SBNO1: variants seen among roughly 807,000 people sequenced by gnomAD.
SBNO1 encodes the protein strawberry notch homolog 1.
In SBNO1, 23 loss-of-function variants were observed where a neutral mutation model predicts 173.6. The ratio of observed to expected loss-of-function variants is 0.13; its 90% CI spans 0.10 to 0.19. SBNO1 has a LOEUF of 0.19. Ranked by LOEUF, SBNO1 falls within the 10% of genes least tolerant of loss-of-function variation. The probability of loss-of-function intolerance (pLI) is 1.00; values close to 1 mark genes in which losing one functional copy is unlikely to be tolerated. For synonymous variants in SBNO1, 632 were observed against 571.5 expected (o/e 1.11, Z -1.51); for missense variants, 1,238 against 1,671.2 (o/e 0.74, Z 4.52).
At chr12:123,327,650 G>A in intron 12 of SBNO1, 57 bp downstream of exon 12, 1 of 1,585,840 alleles carries the variant, frequency 6.3e-7, no homozygotes, top group Non-Finnish European at 8.7e-7. Context: ...TGGGCTTTAG[G>A]AATAACACAC....
chr12:123,364,687 A>C lies in SBNO1; in HGVS notation c.-1+14T>G. ...GGAGTGTGGAAGGAGAAAAGGGCCA[A>C]GGGAAGGACTTACTTTCCCCGCGGG... On this transcript the variant is annotated intron_variant, in intron 1 of 31. Transcript: ENST00000602398. The C allele has an allele frequency of 2.0e-6, 2 of 980,890 alleles. No individual in the cohort carries two copies. Among genetic ancestry groups the C allele is most frequent in the Non-Finnish European group, 1.2e-6 (1 of 827,826 alleles). 60.8% of individuals were successfully genotyped at this position (980,890 alleles called of 1,614,324 possible). A position where few individuals can be genotyped will look rare whatever the true frequency, so the allele number is the denominator to read the frequency against.
At chr12:123,296,554 T>TG (rs1555243374) in intron 31 of SBNO1, among the ~76,000 whole-genome samples, 7,132 of 98,770 alleles carry the variant, frequency 0.072, 292 homozygotes, top group East Asian at 0.49. Flanking sequence ...TATATATATG[T>TG]GTTTTTTTTT....
chr12:123,333,972 A>T (rs2075714982), intron 7 of SBNO1, 81 bp downstream of exon 7: 1 of 903,286 alleles, frequency 1.1e-6, no homozygotes, highest in Non-Finnish European at 1.6e-6. Flanking sequence ...CATACAAGGA[A>T]AAGTTACCTT....
Position 123,304,649 on chromosome 12 carries a change from T to G in SBNO1, c.3701A>C (p.Tyr1234Ser). ...GAGCTGCTTCCCAGTATTTGGTCGA[T>G]AAACTAAGAAAAGTTTCTTTTTAGG... The part of the protein sequence containing the change: ...VNPKKKLFLV[Y>S]RPNTGKQLKL... Residue 1234 changes from tyrosine (Y) to serine (S), a missense_variant, in exon 29 of 32, where the codon TAT becomes TCT. Tyr to Ser is a moderately radical substitution (Grantham distance 144, BLOSUM62 -2). Coordinates refer to ENST00000602398, the MANE Select transcript of SBNO1 (RefSeq NM_001167856.3). 1 of 1,574,258 alleles carries G rather than the reference T, an allele frequency of 6.4e-7. No individual in the cohort carries two copies. The highest frequency in any genetic ancestry group is 8.7e-7 in the Non-Finnish European group (1 of 1,145,298).
chr12:123,289,404 C>T lies in SBNO1; in HGVS notation c.*6504G>A, dbSNP rs933561747. On this transcript the variant is annotated 3_prime_UTR_variant, in exon 32 of 32. Transcript: ENST00000602398. ...TATCATTGGAACAGGGCGCACCCTT[C>T]ACACACTGATGGACACGCTACAACA... 2.0e-5 allele frequency: 3 copies of T among 152,244 alleles called. No individual in the cohort carries two copies. Among genetic ancestry groups the T allele is most frequent in the African/African-American group, 7.2e-5 (3 of 41,462 alleles). The allele number at this position is 152,244 out of a possible 1,614,324, so 9.4% of individuals were successfully genotyped here.
intron 21 of SBNO1, 124 bp downstream of exon 21, chr12:123,317,097 C>T: frequency 9.9e-7 from 1 of 1,010,296 alleles, no homozygotes; most frequent in Non-Finnish European, 1.5e-6. Context: ...AGTGGCCTCC[C>T]GAAATGTTGG....
At chr12:123,306,767 A>G (rs550981270) in intron 28 of SBNO1, among the ~76,000 whole-genome samples, 7 of 152,242 alleles carry the variant, frequency 4.6e-5, no homozygotes, top group African/African-American at 1.4e-4. Flanking sequence ...TGGTTGTGAT[A>G]TTACACTACA....
At chr12:123,364,516 G>A (rs1256067277) in intron 1 of SBNO1, 185 bp downstream of exon 1, 7 of 983,852 alleles carry the variant, frequency 7.1e-6, no homozygotes, top group East Asian at 1.1e-4. Context: ...CCGCCGTCGG[G>A]AACATGCCCC....
chr12:123,317,447 C>G, intron 20 of SBNO1, 91 bp from the exon 21 acceptor site: 1 of 1,110,378 alleles, frequency 9.0e-7, no homozygotes, highest in Admixed American at 2.2e-5. Flanking sequence ...ACTGCCTATT[C>G]TCTCCTTCTT....
intron 6 of SBNO1, among the ~76,000 whole-genome samples, chr12:123,334,595 C>A (rs1223354800): frequency 6.6e-6 from 1 of 152,098 alleles, no homozygotes; most frequent in African/African-American, 2.4e-5. Flanking sequence ...GTAATTCCAG[C>A]TACTCAGGAG....
At chr12:123,317,129 T>C (rs1869383879) in intron 21 of SBNO1, 92 bp downstream of exon 21, 2 of 1,364,438 alleles carry the variant, frequency 1.5e-6, no homozygotes, top group Non-Finnish European at 2.1e-6. Context: ...TGAGCCTCTG[T>C]GCCCGGCCTA....
At chr12:123,330,825 G>A (rs1871126705) in intron 8 of SBNO1, among the ~76,000 whole-genome samples, 1 of 152,032 alleles carries the variant, frequency 6.6e-6, no homozygotes, top group Non-Finnish European at 1.5e-5. Context: ...CTACTCAAGA[G>A]GCTGAGGCAG....
chr12:123,305,349 T>C (rs985612927), intron 28 of SBNO1, among the ~76,000 whole-genome samples: 1 of 152,210 alleles, frequency 6.6e-6, no homozygotes, highest in Non-Finnish European at 1.5e-5. Flanking sequence ...TAAAGTGTTC[T>C]GTAAACATCA....
intron 3 of SBNO1, among the ~76,000 whole-genome samples, chr12:123,345,977 G>A (rs1008137020): frequency 7.2e-5 from 11 of 152,238 alleles, no homozygotes; most frequent in Admixed American, 3.3e-4. Context: ...CTAAATATTA[G>A]TACTTCATTT....
intron 24 of SBNO1, among the ~76,000 whole-genome samples, chr12:123,311,600 C>T (rs1868509212): frequency 6.6e-6 from 1 of 151,762 alleles, no homozygotes; most frequent in Non-Finnish European, 1.5e-5. Context: ...GGAGATCCAC[C>T]CGGCTCGGCC....
At position 123,321,713 on chromosome 12, in the gene SBNO1, T is replaced by C; in HGVS notation, c.2145A>G (p.Glu715=). 1 of 1,614,120 alleles carries C rather than the reference T, an allele frequency of 6.2e-7. No homozygotes were observed. Among genetic ancestry groups the C allele is most frequent in the Non-Finnish European group, 8.5e-7 (1 of 1,180,008 alleles). ...KKRKGEEITR[E]AKKARKVGGL... ...CACCTACTTTTCGTGCTTTTTTGGCTTCTCGAGTTATTTCTTCACCTACCC... is the reference window on the plus strand; with the variant it reads ...CACCTACTTTTCGTGCTTTTTTGGCCTCTCGAGTTATTTCTTCACCTACCC... The change falls in exon 17 of 32, where the codon GAA becomes GAG. Residue 715 remains glutamate (E), a synonymous_variant. Coordinates refer to ENST00000602398, the MANE Select transcript of SBNO1 (RefSeq NM_001167856.3).
intron 28 of SBNO1, among the ~76,000 whole-genome samples, chr12:123,306,712 G>A (rs1212746386): frequency 2.0e-5 from 3 of 151,958 alleles, no homozygotes; most frequent in Non-Finnish European, 4.4e-5. Flanking sequence ...GCATCTATGG[G>A]GGATAGCCGA....
chr12:123,358,985 G>T (rs1331750687), intron 1 of SBNO1, among the ~76,000 whole-genome samples: 1 of 151,448 alleles, frequency 6.6e-6, no homozygotes, highest in East Asian at 2.0e-4. Flanking sequence ...CAGGATGGAG[G>T]GCAGAGGCGA....
intron 28 of SBNO1, among the ~76,000 whole-genome samples, chr12:123,308,693 C>A (rs1220771799): frequency 6.6e-6 from 1 of 151,496 alleles, no homozygotes; most frequent in Non-Finnish European, 1.5e-5. Flanking sequence ...GTTAATTCAG[C>A]CAGGTGTGGT....
Sources: gnomAD v4.1 joint callset for allele counts (sites outside exome capture counted in the v4.1 genomes callset) on GRCh38, gnomAD v4.1.1 for gene constraint, MANE v1.5 for transcripts, NCBI Gene and HGNC (gene_info 2026-07-23, HGNC 2026-07-21) for gene names.